The following DNAJC13 variants were observed in gnomAD, a reference collection of about 807,000 sequenced individuals.
DNAJC13 encodes dnaJ homolog subfamily C member 13.
In DNAJC13, 75 loss-of-function variants were observed where a neutral mutation model predicts 290.5. The ratio of observed to expected loss-of-function variants is 0.26; its 90% CI spans 0.21 to 0.31. The LOEUF is 0.31. Among genes scored for constraint, DNAJC13 ranks in the 10% least tolerant of loss-of-function variants. DNAJC13 has a pLI of 1.00. For missense variants in DNAJC13, 2,260 were observed against 2,674.5 expected, an observed-to-expected ratio of 0.85 and a Z score of 3.42; for synonymous variants, 862 against 892.0, an observed-to-expected ratio of 0.97 and a Z score of 0.60.
intron 29 of DNAJC13, 144 bp downstream of exon 29, chr3:132,484,816 C>A: frequency 1.4e-6 from 1 of 721,252 alleles, no homozygotes; most frequent in African/African-American, 1.8e-5. Flanking sequence ...CACCTCCAAT[C>A]CCAGCACTTT....
At chr3:132,424,085 TAA>T (rs1939030843) in intron 1 of DNAJC13, among the ~76,000 whole-genome samples, 1 of 152,212 alleles carries the variant, frequency 6.6e-6, no homozygotes, top group Non-Finnish European at 1.5e-5. Context: ...ATTAGGTCTA[TAA>T]AGTTACAATA....
rs1304130484 is a variant in DNAJC13, at chr3:132,471,731, G to A, written c.2209-1414G>A. Among the ~76,000 whole-genome samples the A allele has an allele frequency of 1.4e-4, 17 of 124,806 alleles. 1 individual carries two copies. The East Asian group carries it at 4.3e-3, about 31-fold the overall frequency. 81.9% of individuals were successfully genotyped at this position (124,806 alleles called of 152,430 possible). On this transcript the variant is annotated intron_variant, in intron 20 of 55. Transcript: ENST00000260818. ...CTCCTCACTTCCTAGATGGGATGGC[G>A]GCCGGGCGGAGACGCTCCTCACTTT...
chr3:132,533,786 TGAAATAAAAAACATATG>T (rs1936503263), intron 55 of DNAJC13, among the ~76,000 whole-genome samples: 1 of 152,230 alleles, frequency 6.6e-6, no homozygotes. Context: ...CTTAACTTGA[TGAAATAAAAAACATATG>T]TCCTTGACTT....
At chr3:132,482,668 G>T (rs1934717681) in intron 27 of DNAJC13, among the ~76,000 whole-genome samples, 1 of 151,816 alleles carries the variant, frequency 6.6e-6, no homozygotes, top group African/African-American at 2.4e-5. Flanking sequence ...GACCAGCCTG[G>T]GCAACATAGC....
intron 19 of DNAJC13, 71 bp from the exon 20 acceptor site, chr3:132,467,099 C>T: frequency 6.7e-7 from 1 of 1,490,718 alleles, no homozygotes. Flanking sequence ...GATAGAATGA[C>T]TCAGCTTTAC....
chr3:132,531,137 G>T, intron 55 of DNAJC13, 40 bp downstream of exon 55: 1 of 1,558,610 alleles, frequency 6.4e-7, no homozygotes, highest in Non-Finnish European at 8.8e-7. Flanking sequence ...ACACCTGGCA[G>T]AAGCCACTTG....
At chr3:132,492,937 G>A (rs1935112451) in intron 33 of DNAJC13, among the ~76,000 whole-genome samples, 1 of 151,954 alleles carries the variant, frequency 6.6e-6, no homozygotes, top group Non-Finnish European at 1.5e-5. Context: ...TGTCTTTATA[G>A]CAGGTTGATT....
chr3:132,419,593 T>G (rs1938898102), intron 1 of DNAJC13, among the ~76,000 whole-genome samples: 1 of 152,242 alleles, frequency 6.6e-6, no homozygotes, highest in South Asian at 2.1e-4. Flanking sequence ...TTTAACTAAT[T>G]TGGCTTCATT....
At chr3:132,515,233 G>C (rs1038827973) in intron 46 of DNAJC13, among the ~76,000 whole-genome samples, 1 of 152,186 alleles carries the variant, frequency 6.6e-6, no homozygotes, top group Non-Finnish European at 1.5e-5. Flanking sequence ...TATTGAGTTT[G>C]TAGGCAATTA....
chr3:132,537,121 A>C, intron 55 of DNAJC13: 1 of 455,902 alleles, frequency 2.2e-6, no homozygotes, highest in African/African-American at 2.0e-5. Context: ...CTTCCTCACA[A>C]CTTCCCTTGC....
chr3:132,471,810 C>A lies in DNAJC13; in HGVS notation c.2209-1335C>A, dbSNP rs1365800640. Among the ~76,000 whole-genome samples the A allele has an allele frequency of 1.0e-3, 150 of 147,006 alleles. 4 individuals are homozygous for A. Among genetic ancestry groups the A allele is most frequent in the Non-Finnish European group, 1.7e-3 (112 of 65,844 alleles). ...CCTCACATCCCAGACGATGGGCGGC[C>A]AGGCAGAGACGGTCATCACTTCCCA... On this transcript the variant is annotated intron_variant, in intron 20 of 55. Coordinates refer to ENST00000260818, the MANE Select transcript of DNAJC13 (RefSeq NM_015268.4).
At chr3:132,485,299 A>G (rs74589030) in intron 29 of DNAJC13, among the ~76,000 whole-genome samples, 1 of 151,922 alleles carries the variant, frequency 6.6e-6, no homozygotes, top group Non-Finnish European at 1.5e-5. Context: ...CACCACACCC[A>G]GCTACTTTGT....
At chr3:132,431,331 GA>G (rs1939233878) in intron 1 of DNAJC13, among the ~76,000 whole-genome samples, 1 of 152,140 alleles carries the variant, frequency 6.6e-6, no homozygotes, top group South Asian at 2.1e-4. Flanking sequence ...TGCTATGGGG[GA>G]AAAACAAGAG....
chr3:132,493,656 T>C (rs1411287740), intron 33 of DNAJC13, among the ~76,000 whole-genome samples: 1 of 152,146 alleles, frequency 6.6e-6, no homozygotes, highest in Non-Finnish European at 1.5e-5. Context: ...CCTTGTGTTC[T>C]ATCCGTTACA....
intron 13 of DNAJC13, 97 bp from the exon 14 acceptor site, chr3:132,460,153 C>A: frequency 1.5e-6 from 1 of 685,944 alleles, no homozygotes; most frequent in Non-Finnish European, 2.3e-6. Context: ...TTAATTCTTT[C>A]AATGTGTAAT....
intron 1 of DNAJC13, among the ~76,000 whole-genome samples, chr3:132,430,889 A>G (rs535003130): frequency 2.0e-5 from 3 of 152,186 alleles, no homozygotes; most frequent in Non-Finnish European, 4.4e-5. Flanking sequence ...GAAACAGACA[A>G]ACAAAACACC....
chr3:132,491,107 G>A (rs1490419159), intron 32 of DNAJC13, 56 bp downstream of exon 32: 7 of 1,408,960 alleles, frequency 5.0e-6, no homozygotes, highest in South Asian at 4.4e-5. Flanking sequence ...TTTGCTGCTC[G>A]CCATCTGCTT....
intron 28 of DNAJC13, chr3:132,484,268 A>G (rs1934779166): frequency 2.6e-6 from 1 of 381,510 alleles, no homozygotes; most frequent in Non-Finnish European, 5.0e-6. Context: ...ACAAAGTTTG[A>G]TAAGCCCTTT....
At chr3:132,500,103 T>C (rs1935363198) in intron 38 of DNAJC13, among the ~76,000 whole-genome samples, 1 of 152,244 alleles carries the variant, frequency 6.6e-6, no homozygotes, top group Non-Finnish European at 1.5e-5. Context: ...ATTGAACCCA[T>C]ATGTTTCCAT....
Sources: allele counts gnomAD v4.1 joint callset (sites outside exome capture counted in the v4.1 genomes callset), GRCh38; gene constraint gnomAD v4.1.1; transcripts MANE v1.5; gene names NCBI Gene and HGNC (gene_info 2026-07-23, HGNC 2026-07-21).